Variants in GALNT1 observed in about 807,000 individuals in gnomAD.
The protein encoded by GALNT1 is polypeptide N-acetylgalactosaminyltransferase 1, also known as GalNAc transferase 1.
A neutral mutation model predicts 65.7 loss-of-function variants in GALNT1; 17 were observed. That is an observed-to-expected ratio of 0.26 (90% CI 0.18 to 0.39). The LOEUF (loss-of-function observed/expected upper bound fraction) is 0.39, where lower values mean the gene tolerates loss of function less well. GALNT1 is among the 10% of genes least tolerant of loss of function. The pLI is 1.00. For missense variants in GALNT1, 460 were observed against 672.8 expected, an observed-to-expected ratio of 0.68 and a Z score of 3.50; for synonymous variants, 210 against 219.7, an observed-to-expected ratio of 0.96 and a Z score of 0.39.
At position 35,692,460 on chromosome 18, in the gene GALNT1, T is replaced by C. The variant is rs970732760; in HGVS notation, c.1299+140T>C. 2.5e-4 allele frequency: 130 copies of C among 527,612 alleles called. 1 individual carries two copies. The East Asian group carries it at 3.3e-3, about 13-fold the overall frequency. The allele number at this position is 527,612 out of a possible 1,614,324, so 32.7% of individuals were successfully genotyped here. On this transcript the variant is annotated intron_variant, in intron 9 of 11. Transcript: ENST00000269195. Reference sequence around the variant, plus strand: ...TAACTTCTCTTGCTTCCTTCCTCCTTCTTACCACGTAAGTCTAAACTATAT... The same window carrying C: ...TAACTTCTCTTGCTTCCTTCCTCCTCCTTACCACGTAAGTCTAAACTATAT...
chr18:35,588,188 A>G (rs1416603094), intron 1 of GALNT1, among the ~76,000 whole-genome samples: 1 of 152,112 alleles, frequency 6.6e-6, no homozygotes, highest in Non-Finnish European at 1.5e-5. Context: ...GTGGAGAGAG[A>G]AGGCCAGTTA....
At chr18:35,638,169 T>C (rs2047116639) in intron 1 of GALNT1, among the ~76,000 whole-genome samples, 1 of 152,226 alleles carries the variant, frequency 6.6e-6, no homozygotes, top group Admixed American at 6.5e-5. Flanking sequence ...AAGAGTAATT[T>C]TGACTGTCAA....
intron 1 of GALNT1, among the ~76,000 whole-genome samples, chr18:35,605,744 G>A (rs2046639206): frequency 6.6e-6 from 1 of 151,982 alleles, no homozygotes; most frequent in Non-Finnish European, 1.5e-5. Flanking sequence ...TCAACATTTT[G>A]ATAGCCTTAA....
At chr18:35,598,922 A>G (rs1396904445) in intron 1 of GALNT1, among the ~76,000 whole-genome samples, 2 of 146,726 alleles carry the variant, frequency 1.4e-5, no homozygotes, top group East Asian at 2.0e-4. Flanking sequence ...GTAAAAAGCT[A>G]TTTTAACTAG....
chr18:35,658,495 G>A (rs1598797821), intron 2 of GALNT1, among the ~76,000 whole-genome samples: 1 of 152,108 alleles, frequency 6.6e-6, no homozygotes, highest in African/African-American at 2.4e-5. Flanking sequence ...TGAAAAATCT[G>A]CTTTGATATG....
chr18:35,681,932 A>G (rs927836627), intron 4 of GALNT1, among the ~76,000 whole-genome samples: 1 of 152,160 alleles, frequency 6.6e-6, no homozygotes, highest in African/African-American at 2.4e-5. Flanking sequence ...ATTATGCATA[A>G]TAACTTCATA....
chr18:35,706,754 G>A (rs2048269375), intron 11 of GALNT1, among the ~76,000 whole-genome samples: 1 of 152,112 alleles, frequency 6.6e-6, no homozygotes, highest in Non-Finnish European at 1.5e-5. Context: ...TGCAATGCAG[G>A]TCCAACAGCC....
intron 1 of GALNT1, among the ~76,000 whole-genome samples, chr18:35,618,609 A>G (rs948482082): frequency 6.6e-6 from 1 of 152,188 alleles, no homozygotes; most frequent in East Asian, 1.9e-4. Context: ...ATACAAAAGA[A>G]ATGTTTGAGT....
chr18:35,641,758 GC>G (rs1430959554), intron 1 of GALNT1, among the ~76,000 whole-genome samples: 1 of 152,202 alleles, frequency 6.6e-6, no homozygotes, highest in Non-Finnish European at 1.5e-5. Context: ...GGTGGTTTCA[GC>G]CACCTGGGAA....
chr18:35,641,290 T>TA (rs2047159463), intron 1 of GALNT1, among the ~76,000 whole-genome samples: 1 of 151,812 alleles, frequency 6.6e-6, no homozygotes, highest in Non-Finnish European at 1.5e-5. Flanking sequence ...GCAAAAAAAA[T>TA]ACAAAAATTA....
At chr18:35,677,167 C>A (rs1421674466) in intron 3 of GALNT1, among the ~76,000 whole-genome samples, 2 of 152,174 alleles carry the variant, frequency 1.3e-5, no homozygotes, top group Non-Finnish European at 2.9e-5. Context: ...GATAGGTACT[C>A]ACTAAATATT....
chr18:35,645,218 GTTTTTTTTTTTTTT>G (rs1166987925), intron 1 of GALNT1, among the ~76,000 whole-genome samples: 2 of 54,326 alleles, frequency 3.7e-5, no homozygotes, highest in African/African-American at 1.4e-4. Flanking sequence ...TATTTTGAAT[GTTTTTTTTTTTTTT>G]TTTTTTTTTT....
intron 1 of GALNT1, among the ~76,000 whole-genome samples, chr18:35,628,030 C>T (rs546229153): frequency 6.4e-4 from 97 of 152,288 alleles, no homozygotes; most frequent in African/African-American, 2.3e-3. Context: ...GAGGGGCACC[C>T]GCCATTGCTG....
chr18:35,614,391 A>G (rs1043968710), intron 1 of GALNT1, among the ~76,000 whole-genome samples: 1 of 152,220 alleles, frequency 6.6e-6, no homozygotes, highest in Non-Finnish European at 1.5e-5. Context: ...ATTAAAATTC[A>G]TCTCTCTTTT....
chr18:35,650,724 C>T (rs2144364339), intron 1 of GALNT1, among the ~76,000 whole-genome samples: 1 of 152,318 alleles, frequency 6.6e-6, no homozygotes, highest in South Asian at 2.1e-4. Flanking sequence ...CCGCCCGGCC[C>T]ACAGGCAGCC....
chr18:35,592,061 G>A (rs2046451063), intron 1 of GALNT1, among the ~76,000 whole-genome samples: 1 of 152,164 alleles, frequency 6.6e-6, no homozygotes, highest in Non-Finnish European at 1.5e-5. Context: ...GTTGGGAGAG[G>A]TCAGGTCTGG....
chr18:35,695,750 C>T (rs1031145357), intron 9 of GALNT1, among the ~76,000 whole-genome samples: 5 of 152,198 alleles, frequency 3.3e-5, no homozygotes, highest in African/African-American at 1.2e-4. Flanking sequence ...CTTTCATTCT[C>T]ACTGATGCCT....
At chr18:35,652,057 TA>T (rs1423344302) in intron 1 of GALNT1, among the ~76,000 whole-genome samples, 1 of 151,084 alleles carries the variant, frequency 6.6e-6, no homozygotes, top group African/African-American at 2.4e-5. Context: ...AACAACAAAG[TA>T]AAAAAAATCA....
intron 1 of GALNT1, among the ~76,000 whole-genome samples, chr18:35,599,300 A>G (rs1468613285): frequency 2.0e-5 from 3 of 150,542 alleles, no homozygotes; most frequent in Admixed American, 6.6e-5. Context: ...GCCCAGACCA[A>G]TGTCCTGAGG....
Sources: gnomAD v4.1 joint callset for allele counts (sites outside exome capture counted in the v4.1 genomes callset) on GRCh38, gnomAD v4.1.1 for gene constraint, MANE v1.5 for transcripts, NCBI Gene and HGNC (gene_info 2026-07-23, HGNC 2026-07-21) for gene names.